HECW1: variants seen among roughly 807,000 people sequenced by gnomAD.
HECW1 encodes the protein E3 ubiquitin-protein ligase HECW1.
Under a neutral mutation model 182.3 loss-of-function variants are expected in HECW1, and 61 were observed. The observed-to-expected ratio is 0.33, with a 90% CI of 0.27 to 0.41. The LOEUF is 0.41. Ranked by LOEUF, HECW1 falls within the 10% of genes least tolerant of loss-of-function variation. The pLI is 1.00. For synonymous variants in HECW1, 859 were observed against 832.6 expected, an observed-to-expected ratio of 1.03 and a Z score of -0.55; for missense variants, 1,739 against 2,108.9, an observed-to-expected ratio of 0.82 and a Z score of 3.44.
chr7:43,211,004 T>C (rs116631904), intron 2 of HECW1, among the ~76,000 whole-genome samples: 3,160 of 152,324 alleles, frequency 0.021, 116 homozygotes, highest in African/African-American at 0.072. Context: ...CTGGAATGCC[T>C]GGGTTTGTAT....
At chr7:43,317,555 A>C (rs1809481980) in intron 4 of HECW1, among the ~76,000 whole-genome samples, 1 of 152,170 alleles carries the variant, frequency 6.6e-6, no homozygotes, top group African/African-American at 2.4e-5. Context: ...TCTGCAGCTG[A>C]CCCTGTCAAT....
chr7:43,116,179 CA>C (rs142198116), intron 2 of HECW1, among the ~76,000 whole-genome samples: 1 of 151,794 alleles, frequency 6.6e-6, no homozygotes, highest in South Asian at 2.1e-4. Context: ...CCTCAGTAAA[CA>C]AAAAAACACG....
At chr7:43,487,697 C>T (rs985846335) in intron 17 of HECW1, among the ~76,000 whole-genome samples, 8 of 152,202 alleles carry the variant, frequency 5.3e-5, no homozygotes, top group African/African-American at 1.9e-4. Flanking sequence ...GTGGCTCACA[C>T]CTGTAATCCC....
chr7:43,178,657 C>A (rs1290705698), intron 2 of HECW1, among the ~76,000 whole-genome samples: 1 of 152,178 alleles, frequency 6.6e-6, no homozygotes, highest in Non-Finnish European at 1.5e-5. Flanking sequence ...CGTTCTCTCA[C>A]ATCCCTAATT....
chr7:43,488,428 A>G (rs1206447380), intron 17 of HECW1, among the ~76,000 whole-genome samples: 1 of 108,034 alleles, frequency 9.3e-6, no homozygotes, highest in Non-Finnish European at 1.9e-5. Context: ...GAGAGAAAGA[A>G]AGAAAGAGAA....
At chr7:43,372,081 C>T (rs1427569564) in intron 6 of HECW1, among the ~76,000 whole-genome samples, 1 of 152,142 alleles carries the variant, frequency 6.6e-6, no homozygotes, top group East Asian at 1.9e-4. Context: ...CTCAGCCTCC[C>T]AAAGTGCTGG....
At chr7:43,498,612 C>G (rs1289772109) in intron 19 of HECW1, among the ~76,000 whole-genome samples, 2 of 152,106 alleles carry the variant, frequency 1.3e-5, no homozygotes, top group Non-Finnish European at 2.9e-5. Flanking sequence ...ATGTTCTGTT[C>G]TCTTTGCTGG....
At chr7:43,177,385 C>T (rs1792368231) in intron 2 of HECW1, among the ~76,000 whole-genome samples, 2 of 152,276 alleles carry the variant, frequency 1.3e-5, no homozygotes, top group South Asian at 2.1e-4. Context: ...CATGTGTTCC[C>T]TAGTACCTAA....
chr7:43,509,706 T>TGC (rs1563072473), intron 24 of HECW1: 9 of 152,312 alleles, frequency 5.9e-5, no homozygotes, highest in African/African-American at 2.2e-4. Flanking sequence ...ATGTGGGTAT[T>TGC]AGAGGTCTCC....
chr7:43,265,134 T>C (rs569051245), intron 3 of HECW1, among the ~76,000 whole-genome samples: 1 of 152,302 alleles, frequency 6.6e-6, no homozygotes, highest in Admixed American at 6.5e-5. Context: ...TGACCATGTT[T>C]TGCTCATTGT....
intron 3 of HECW1, among the ~76,000 whole-genome samples, chr7:43,257,791 T>C (rs995762025): frequency 2.0e-5 from 3 of 152,216 alleles, no homozygotes; most frequent in Admixed American, 2.0e-4. Context: ...CTTAGATGAC[T>C]TGAGGCAAGT....
intron 3 of HECW1, among the ~76,000 whole-genome samples, chr7:43,294,701 G>C (rs866519564): frequency 6.6e-6 from 1 of 152,180 alleles, no homozygotes; most frequent in Non-Finnish European, 1.5e-5. Flanking sequence ...TTGTGCAGCA[G>C]GTGGAAGAGA....
At chr7:43,132,531 TC>T (rs989384131) in intron 2 of HECW1, among the ~76,000 whole-genome samples, 10 of 151,932 alleles carry the variant, frequency 6.6e-5, no homozygotes, top group Admixed American at 2.6e-4. Flanking sequence ...CTTCTCTCTC[TC>T]TCTTTCTCTC....
chr7:43,453,080 C>T (rs1369887785), intron 12 of HECW1, among the ~76,000 whole-genome samples: 7 of 152,118 alleles, frequency 4.6e-5, no homozygotes, highest in South Asian at 2.1e-4. Context: ...TTACTCTGAA[C>T]GAAAGGAGGA....
At chr7:43,152,303 T>C (rs1789420049) in intron 2 of HECW1, among the ~76,000 whole-genome samples, 1 of 152,178 alleles carries the variant, frequency 6.6e-6, no homozygotes, top group African/African-American at 2.4e-5. Flanking sequence ...GTTATAAGCA[T>C]TGAAAGCAGT....
chr7:43,524,026 C>T (rs1041432360), intron 24 of HECW1, among the ~76,000 whole-genome samples: 1 of 152,092 alleles, frequency 6.6e-6, no homozygotes, highest in Admixed American at 6.5e-5. Context: ...AGATGAGGGA[C>T]TTGGAATGGG....
intron 11 of HECW1, among the ~76,000 whole-genome samples, chr7:43,449,341 A>G (rs2077161797): frequency 6.6e-6 from 1 of 152,202 alleles, no homozygotes; most frequent in South Asian, 2.1e-4. Context: ...TTCCATTAGC[A>G]TCTCCAAGGA....
chr7:43,163,431 G>A (rs1790767800), intron 2 of HECW1, among the ~76,000 whole-genome samples: 1 of 152,200 alleles, frequency 6.6e-6, no homozygotes, highest in African/African-American at 2.4e-5. Context: ...TCTGTCCGGG[G>A]GGAGGTGCTG....
chr7:43,540,735 C>T (rs2081335102), intron 24 of HECW1, among the ~76,000 whole-genome samples: 1 of 152,172 alleles, frequency 6.6e-6, no homozygotes, highest in African/African-American at 2.4e-5. Flanking sequence ...CAGCATGGAC[C>T]TTAGGTAATG....
Sources: allele counts gnomAD v4.1 joint callset (sites outside exome capture counted in the v4.1 genomes callset), GRCh38; gene constraint gnomAD v4.1.1; transcripts MANE v1.5; gene names NCBI Gene and HGNC (gene_info 2026-07-23, HGNC 2026-07-21).